Variants in TENM3 observed in about 807,000 individuals in gnomAD.
The protein encoded by TENM3 is teneurin transmembrane protein 3, also known as teneurin-3.
TENM3 carries 63 observed loss-of-function variants against 255.1 expected under a neutral mutation model. That is an observed-to-expected ratio of 0.25 (90% CI 0.20 to 0.30). The LOEUF (loss-of-function observed/expected upper bound fraction) is 0.30, where lower values mean the gene tolerates loss of function less well. Ranked by LOEUF, TENM3 falls within the 10% of genes least tolerant of loss-of-function variation. The pLI is 1.00. For missense variants in TENM3, 2,929 were observed against 3,461.1 expected (o/e 0.85, Z 3.86); for synonymous variants, 1,306 against 1,322.3 (o/e 0.99, Z 0.27).
At chr4:182,697,853 A>G (rs557507003) in intron 12 of TENM3, 12 of 152,160 alleles carry the variant, frequency 7.9e-5, no homozygotes, top group Non-Finnish European at 1.3e-4. Flanking sequence ...TGACCTTTCT[A>G]AAAGGTGGAG....
chr4:182,575,029 G>T (rs906320101), intron 3 of TENM3, among the ~76,000 whole-genome samples: 1 of 152,076 alleles, frequency 6.6e-6, no homozygotes, highest in Non-Finnish European at 1.5e-5. Flanking sequence ...ATTAAGAAAA[G>T]CCCCTTATTA....
chr4:182,182,296 G>C (rs1358126564), intron 1 of TENM3, among the ~76,000 whole-genome samples: 1 of 152,006 alleles, frequency 6.6e-6, no homozygotes, highest in African/African-American at 2.4e-5. Flanking sequence ...ATGAACTACC[G>C]CCTATTAAAA....
chr4:181,873,220 A>G, the TENM3 span, among the ~76,000 whole-genome samples: 163 of 152,180 alleles, frequency 1.1e-3, 2 homozygotes, highest in Admixed American at 8.5e-3. Context: ...GAGGCATGCC[A>G]ACACACCCAG....
chr4:182,062,555 T>C, the TENM3 span, among the ~76,000 whole-genome samples: 1 of 152,226 alleles, frequency 6.6e-6, no homozygotes, highest in African/African-American at 2.4e-5. Flanking sequence ...TAGTCTTTTA[T>C]ATGACAAGGC....
At chr4:182,118,381 C>T in the TENM3 span, among the ~76,000 whole-genome samples, 1 of 152,090 alleles carries the variant, frequency 6.6e-6, no homozygotes, top group Non-Finnish European at 1.5e-5. Context: ...GGGAAAGCTT[C>T]AAGTTTCTCA....
chr4:181,769,907 A>G, the TENM3 span, among the ~76,000 whole-genome samples: 1 of 152,228 alleles, frequency 6.6e-6, no homozygotes, highest in Non-Finnish European at 1.5e-5. Context: ...GCCTAAAACT[A>G]AGGGGAAAGC....
chr4:182,063,475 C>T, the TENM3 span, among the ~76,000 whole-genome samples: 88 of 152,272 alleles, frequency 5.8e-4, no homozygotes, highest in African/African-American at 2.1e-3. Flanking sequence ...GCACTTTAGT[C>T]GCATGTCAAA....
chr4:182,502,629 G>T (rs1411846389), intron 3 of TENM3, among the ~76,000 whole-genome samples: 1 of 151,486 alleles, frequency 6.6e-6, no homozygotes, highest in Non-Finnish European at 1.5e-5. Flanking sequence ...TTATTTATTT[G>T]TCATAACATG....
chr4:182,088,486 T>G, the TENM3 span, among the ~76,000 whole-genome samples: 1 of 152,220 alleles, frequency 6.6e-6, no homozygotes, highest in Non-Finnish European at 1.5e-5. Context: ...TTTCAGAATA[T>G]GTGGGGCTTC....
chr4:181,499,229 G>A, the TENM3 span, among the ~76,000 whole-genome samples: 324 of 152,288 alleles, frequency 2.1e-3, 1 homozygote, highest in African/African-American at 7.5e-3. Context: ...CCACGTGACT[G>A]ACAGTCATAA....
chr4:182,223,729 A>G (rs1483714611), intron 1 of TENM3, among the ~76,000 whole-genome samples: 1 of 135,204 alleles, frequency 7.4e-6, no homozygotes, highest in African/African-American at 2.8e-5. Flanking sequence ...GTGTTTGGGC[A>G]TTTGCGTGTA....
the TENM3 span, among the ~76,000 whole-genome samples, chr4:181,449,032 A>G: frequency 0.11 from 16,189 of 152,262 alleles, 1,035 homozygotes; most frequent in Non-Finnish European, 0.14. Flanking sequence ...CAGAAATTCT[A>G]TAGAACATCT....
chr4:182,538,589 CCAGAAAGCAGTAAA>C (rs138671396), intron 3 of TENM3, among the ~76,000 whole-genome samples: 6,051 of 152,130 alleles, frequency 0.04, 233 homozygotes, highest in East Asian at 0.11. Context: ...GGATCTTTGG[CCAGAAAGCAGTAAA>C]CAGTGCTGGG....
chr4:181,476,603 C>A, the TENM3 span, among the ~76,000 whole-genome samples: 2 of 152,212 alleles, frequency 1.3e-5, no homozygotes, highest in Admixed American at 1.3e-4. Flanking sequence ...ATGCAATAAT[C>A]TTAAATTATA....
chr4:181,893,953 T>C, the TENM3 span, among the ~76,000 whole-genome samples: 1 of 151,502 alleles, frequency 6.6e-6, no homozygotes, highest in Non-Finnish European at 1.5e-5. Flanking sequence ...TAAACAAACA[T>C]CAAACATAAG....
intron 22 of TENM3, among the ~76,000 whole-genome samples, chr4:182,762,714 G>T (rs1763305983): frequency 6.6e-6 from 1 of 152,186 alleles, no homozygotes. Flanking sequence ...ATATCTTGAG[G>T]CTGCAAATGC....
At chr4:182,612,069 A>G (rs1181927987) in intron 4 of TENM3, among the ~76,000 whole-genome samples, 1 of 151,932 alleles carries the variant, frequency 6.6e-6, no homozygotes, top group Non-Finnish European at 1.5e-5. Flanking sequence ...GGAGTTTGAG[A>G]CCAGCCTGGC....
the TENM3 span, among the ~76,000 whole-genome samples, chr4:182,076,443 C>G: frequency 3.3e-5 from 5 of 152,224 alleles, no homozygotes; most frequent in South Asian, 1.0e-3. Flanking sequence ...ACCTCGTGAT[C>G]CACCTGCCTC....
At chr4:181,764,906 G>A in the TENM3 span, among the ~76,000 whole-genome samples, 1 of 151,712 alleles carries the variant, frequency 6.6e-6, no homozygotes, top group African/African-American at 2.4e-5. Context: ...TCTTGCCCAG[G>A]CTGGTCTTGA....
Sources: allele counts gnomAD v4.1 joint callset (sites outside exome capture counted in the v4.1 genomes callset), GRCh38; gene constraint gnomAD v4.1.1; transcripts MANE v1.5; gene names NCBI Gene and HGNC (gene_info 2026-07-23, HGNC 2026-07-21).